Variants in SCIMP observed in about 807,000 individuals in gnomAD.
SCIMP encodes SLP adapter and CSK-interacting membrane protein.
Under a neutral mutation model 22.0 loss-of-function variants are expected in SCIMP, and 18 were observed. The observed-to-expected ratio is 0.82, with a 90% confidence interval of 0.56 to 1.21. The LOEUF (loss-of-function observed/expected upper bound fraction) is 1.21, where lower values mean the gene tolerates loss of function less well. SCIMP is among the 50% of genes most tolerant of loss of function. The probability of loss-of-function intolerance (pLI) is 0.00; values close to 1 mark genes in which losing one functional copy is unlikely to be tolerated. For missense variants in SCIMP, 155 were observed against 171.2 expected, an observed-to-expected ratio of 0.91 and a Z score of 0.53; for synonymous variants, 53 against 62.2, an observed-to-expected ratio of 0.85 and a Z score of 0.70.
At position 5,221,272 on chromosome 17, in the gene SCIMP, T is replaced by C. The variant is rs764029497; in HGVS notation, c.209+15A>G. 1 of 1,597,304 alleles carries C rather than the reference T, an allele frequency of 6.3e-7. No homozygotes were observed. Among genetic ancestry groups the C allele is most frequent in the Admixed American group, 1.7e-5 (1 of 59,926 alleles). ...TTCTCAACAGTAAAAAGCGGAAGGATTCCCCCCTACTTACTCATACATCTT... is the reference window on the plus strand; with the variant it reads ...TTCTCAACAGTAAAAAGCGGAAGGACTCCCCCCTACTTACTCATACATCTT... On this transcript the variant is annotated intron_variant, in intron 3 of 4. Coordinates refer to ENST00000574081, the MANE Select transcript of SCIMP (RefSeq NM_207103.3).
At position 5,218,449 on chromosome 17, in the gene SCIMP, C is replaced by T. The variant is rs868099868; in HGVS notation, c.209+2838G>A. Among the ~76,000 whole-genome samples, 4 of 152,074 alleles carry T rather than the reference C, an allele frequency of 2.6e-5. No individual in the cohort carries two copies. The South Asian group carries it at 8.3e-4, about 31-fold the overall frequency. On this transcript the variant is annotated intron_variant, in intron 3 of 4. Transcript: ENST00000574081. ...CCACCTCCTGGGTTCAAGCAATTCT[C>T]CTGCCTTAGCCTCCCAAGTAGCTGG...
chr17:5,211,381 G>A (rs1014096184), intron 4 of SCIMP, among the ~76,000 whole-genome samples: 8 of 152,166 alleles, frequency 5.3e-5, no homozygotes, highest in African/African-American at 1.7e-4. Flanking sequence ...AAAATTAGCC[G>A]GATGTGGTGG....
intron 3 of SCIMP, among the ~76,000 whole-genome samples, chr17:5,218,812 C>T (rs74652329): frequency 0.039 from 5,934 of 152,116 alleles, 403 homozygotes; most frequent in African/African-American, 0.13. Context: ...GTTTTGTATA[C>T]AGGGTCTCAC....
chr17:5,211,505 C>T (rs2074525386), intron 4 of SCIMP, among the ~76,000 whole-genome samples: 1 of 147,686 alleles, frequency 6.8e-6, no homozygotes, highest in African/African-American at 2.5e-5. Context: ...GCCTGGACAA[C>T]ATGGTAAGAC....
intron 1 of SCIMP, among the ~76,000 whole-genome samples, chr17:5,229,523 A>T (rs538703551): frequency 3.8e-4 from 56 of 148,550 alleles, no homozygotes; most frequent in African/African-American, 5.7e-4. Context: ...CCTCCCAAGT[A>T]GCTGGGACTA....
At position 5,218,857 on chromosome 17, in the gene SCIMP, C is replaced by T. The variant is rs148618151; in HGVS notation, c.209+2430G>A. 6.6e-5 allele frequency among the ~76,000 whole-genome samples: 10 copies of T among 152,252 alleles called. No homozygotes were observed. The East Asian group carries it at 1.9e-3, about 29-fold the overall frequency. On this transcript the variant is annotated intron_variant, in intron 3 of 4. Transcript: ENST00000574081. ...CAGGCTGGTCTTGAACTCCTGGCCTCAAGTGATACTCCCACTTTGGCAAAG... is the reference window on the plus strand; with the variant it reads ...CAGGCTGGTCTTGAACTCCTGGCCTTAAGTGATACTCCCACTTTGGCAAAG...
At chr17:5,217,529 A>T in intron 3 of SCIMP, among the ~76,000 whole-genome samples, 1 of 151,282 alleles carries the variant, frequency 6.6e-6, no homozygotes. Flanking sequence ...GTCATTTAGC[A>T]TTAGGTATAT....
chr17:5,211,675 C>T (rs981531094), intron 4 of SCIMP, among the ~76,000 whole-genome samples: 1 of 152,130 alleles, frequency 6.6e-6, no homozygotes, highest in African/African-American at 2.4e-5. Flanking sequence ...ACACTGTTTT[C>T]CAGGACTCTC....
At chr17:5,230,964 G>A (rs1324558339) in intron 1 of SCIMP, among the ~76,000 whole-genome samples, 1 of 152,110 alleles carries the variant, frequency 6.6e-6, no homozygotes. Context: ...AGCCTATAGA[G>A]CTAAAAGTCA....
At chr17:5,214,838 T>TAAA (rs34085108) in intron 4 of SCIMP, 87 bp downstream of exon 4, 135 of 453,040 alleles carry the variant, frequency 3.0e-4, no homozygotes, top group South Asian at 7.8e-4. Context: ...AGACTCCATC[T>TAAA]AAAAAAAAAA....
At chr17:5,211,310 C>G (rs948823221) in intron 4 of SCIMP, among the ~76,000 whole-genome samples, 1 of 152,064 alleles carries the variant, frequency 6.6e-6, no homozygotes, top group African/African-American at 2.4e-5. Context: ...TCACTTGAGC[C>G]CAGGAGTTCC....
chr17:5,217,329 C>T (rs1200463023), intron 3 of SCIMP, among the ~76,000 whole-genome samples: 3 of 152,030 alleles, frequency 2.0e-5, no homozygotes, highest in African/African-American at 7.3e-5. Flanking sequence ...CTCACTAGCT[C>T]ACAGAAAAGA....
intron 1 of SCIMP, 69 bp from the exon 2 acceptor site, chr17:5,223,525 A>G: frequency 1.3e-6 from 2 of 1,488,526 alleles, no homozygotes; most frequent in East Asian, 2.3e-5. Context: ...GGAGTGGGGC[A>G]GTTATCTACT....
Position 5,229,917 on chromosome 17 carries a change from C to T in SCIMP, c.21+4818G>A, listed in dbSNP as rs555495918. On this transcript the variant is annotated intron_variant, in intron 1 of 4. Coordinates refer to ENST00000574081, the MANE Select transcript of SCIMP (RefSeq NM_207103.3). ...CCTCTCCTCTCCGGTCCTCTCCTCT[C>T]TCCTTTCTCCTCTCCTCTTCTCTCC... Among the ~76,000 whole-genome samples the T allele has an allele frequency of 7.3e-5, 11 of 150,274 alleles. No individual in the cohort carries two copies. In the South Asian group the frequency reaches 2.1e-3, roughly 29 times the overall value.
intron 4 of SCIMP, among the ~76,000 whole-genome samples, chr17:5,212,558 C>CA (rs2074533386): frequency 1.3e-5 from 2 of 152,134 alleles, no homozygotes; most frequent in African/African-American, 4.8e-5. Context: ...GGCATGAACT[C>CA]GGGAGGTGGA....
chr17:5,227,812 C>A (rs889574719), intron 1 of SCIMP, among the ~76,000 whole-genome samples: 1 of 152,196 alleles, frequency 6.6e-6, no homozygotes, highest in African/African-American at 2.4e-5. Context: ...GCCATCCTTT[C>A]TCCTTGCCTA....
intron 3 of SCIMP, 119 bp downstream of exon 3, chr17:5,221,168 G>T (rs745312415): frequency 2.0e-5 from 16 of 803,456 alleles, no homozygotes; most frequent in Non-Finnish European, 3.3e-5. Flanking sequence ...GTGAAGTCTC[G>T]CCAGCTCTAC....
At chr17:5,228,582 C>T (rs546483727) in intron 1 of SCIMP, among the ~76,000 whole-genome samples, 1 of 151,542 alleles carries the variant, frequency 6.6e-6, no homozygotes, top group East Asian at 2.0e-4. Context: ...GGATTCGAGG[C>T]TACATTGGGC....
chr17:5,227,936 A>T (rs1199829083), intron 1 of SCIMP, among the ~76,000 whole-genome samples: 2 of 152,128 alleles, frequency 1.3e-5, no homozygotes, highest in African/African-American at 4.8e-5. Context: ...GCACTTTGGG[A>T]GGCCGAGGCA....
Sources: gnomAD v4.1 joint callset for allele counts (sites outside exome capture counted in the v4.1 genomes callset) on GRCh38, gnomAD v4.1.1 for gene constraint, MANE v1.5 for transcripts, NCBI Gene and HGNC (gene_info 2026-07-23, HGNC 2026-07-21) for gene names.